The following STAT3 variants were observed in gnomAD, a reference collection of about 807,000 sequenced individuals.
The protein encoded by STAT3 is signal transducer and activator of transcription 3, also known as DNA-binding protein APRF.
A neutral mutation model predicts 114.3 loss-of-function variants in STAT3; 7 were observed. The ratio of observed to expected loss-of-function variants is 0.06; its 90% confidence interval spans 0.03 to 0.11. STAT3 has a LOEUF of 0.11. Among genes scored for constraint, STAT3 ranks in the 10% least tolerant of loss-of-function variants. The probability of loss-of-function intolerance (pLI) is 1.00; values close to 1 mark genes in which losing one functional copy is unlikely to be tolerated. For synonymous variants in STAT3, 331 were observed against 354.5 expected (o/e 0.93, Z 0.74); for missense variants, 364 against 960.9 (o/e 0.38, Z 8.21).
At position 42,322,509 on chromosome 17, in the gene STAT3, G is replaced by A. The variant is rs1461918830; in HGVS notation, c.1889-15C>T. 2.5e-6 allele frequency: 4 copies of A among 1,613,860 alleles called. No individual in the cohort carries two copies. Among genetic ancestry groups the A allele is most frequent in the Non-Finnish European group, 3.4e-6 (4 of 1,179,826 alleles). On this transcript the variant is annotated splice_polypyrimidine_tract_variant and intron_variant, in intron 20 of 23. Transcript: ENST00000264657. The stretch of plus-strand genomic sequence containing the variant: ...CTGGGTCTTACCTGTCACAGGACAT[G>A]GGAAGGAAAGATCATGGAACCTACA...
chr17:42,338,818 T>C lies in STAT3; in HGVS notation c.469-6A>G, dbSNP rs1201479766. 6.2e-7 allele frequency: 1 copy of C among 1,609,146 alleles called. No homozygotes were observed. The highest frequency in any genetic ancestry group is 2.2e-5 in the East Asian group (1 of 44,870). ...TTCATTTTCTGTTCTAGATCCTGTT[T>C]AAAATAAGCAAACAAAAAAACAGAA... On this transcript the variant is annotated splice_polypyrimidine_tract_variant and splice_region_variant and intron_variant, in intron 5 of 23. Coordinates refer to ENST00000264657, the MANE Select transcript of STAT3 (RefSeq NM_139276.3).
At chr17:42,373,755 G>T (rs1435225867) in intron 1 of STAT3, among the ~76,000 whole-genome samples, 2 of 151,508 alleles carry the variant, frequency 1.3e-5, no homozygotes, top group African/African-American at 4.8e-5. Flanking sequence ...CATCGTGGCG[G>T]GCGCCTGTAG....
intron 21 of STAT3, among the ~76,000 whole-genome samples, chr17:42,321,923 A>T (rs2144674374): frequency 6.6e-6 from 1 of 152,338 alleles, no homozygotes; most frequent in South Asian, 2.1e-4. Flanking sequence ...TCCTTGGCTC[A>T]GGTGATCCTC....
chr17:42,331,625 A>G (rs535204187), intron 10 of STAT3, 94 bp from the exon 11 acceptor site: 98 of 1,085,620 alleles, frequency 9.0e-5, no homozygotes, highest in Non-Finnish European at 1.2e-4. Context: ...CTTCATTTCC[A>G]ACAGGTAAAT....
At chr17:42,378,016 T>C (rs2145332389) in intron 1 of STAT3, among the ~76,000 whole-genome samples, 1 of 151,116 alleles carries the variant, frequency 6.6e-6, no homozygotes, top group Non-Finnish European at 1.5e-5. Context: ...GATGGAGTCT[T>C]GCTCCATAGC....
At chr17:42,387,966 A>C in intron 1 of STAT3, 1 of 284,152 alleles carries the variant, frequency 3.5e-6, no homozygotes, top group Non-Finnish European at 6.5e-6. Context: ...GGCCCCAGGG[A>C]GCAGGAAATC....
At chr17:42,346,796 A>C (rs906606296) in intron 2 of STAT3, 83 bp from the exon 3 acceptor site, 1 of 1,585,636 alleles carries the variant, frequency 6.3e-7, no homozygotes, top group South Asian at 1.1e-5. Context: ...AGAAAGAGGA[A>C]AAAAACAAAA....
intron 13 of STAT3, 47 bp from the exon 14 acceptor site, chr17:42,329,504 C>T (rs1030190015): frequency 6.8e-6 from 11 of 1,614,066 alleles, no homozygotes; most frequent in Admixed American, 1.7e-5. Flanking sequence ...TCTCCCTAGC[C>T]CTCTCCGGCA....
In STAT3 at chr17:42,329,728, G is replaced by A. The variant is rs1290818097; in HGVS notation, c.1139+19C>T. The stretch of plus-strand genomic sequence containing the variant: ...GTTAGGTTAAACGGAACAAAAGGAA[G>A]CCTCTAGGCTGAACTTACCCTCTGA... On this transcript the variant is annotated intron_variant, in intron 12 of 23. Coordinates refer to ENST00000264657, the MANE Select transcript of STAT3 (RefSeq NM_139276.3). 1 of 1,614,200 alleles carries A rather than the reference G, an allele frequency of 6.2e-7. No homozygotes were observed. Among genetic ancestry groups the A allele is most frequent in the East Asian group, 2.2e-5 (1 of 44,890 alleles).
In STAT3 at chr17:42,324,452, T is replaced by C. The variant is rs930960427; in HGVS notation, c.1600+259A>G. ...ACTTAAAAGATCTTCTAAAGTTAGA[T>C]AGAGTGGGTGAATGAGACAGCAACC... On this transcript the variant is annotated intron_variant, in intron 17 of 23. Coordinates refer to ENST00000264657, the MANE Select transcript of STAT3 (RefSeq NM_139276.3). The surrounding 1 kb of genome is among the most constrained non-coding windows in gnomAD (Gnocchi z 4.5). Among the ~76,000 whole-genome samples, 4 of 152,206 alleles carry C rather than the reference T, an allele frequency of 2.6e-5. No individual in the cohort carries two copies. The highest frequency in any genetic ancestry group is 1.9e-4 in the East Asian group (1 of 5,182).
chr17:42,326,470 T>C (rs2081730449), intron 14 of STAT3, among the ~76,000 whole-genome samples: 1 of 151,782 alleles, frequency 6.6e-6, no homozygotes, highest in Admixed American at 6.6e-5. Flanking sequence ...ATTGTGCCAC[T>C]GCACTCTAGC....
chr17:42,323,549 C>G, intron 18 of STAT3, 24 bp downstream of exon 18: 3 of 1,613,408 alleles, frequency 1.9e-6, no homozygotes, highest in Non-Finnish European at 2.5e-6. Flanking sequence ...CCCATTCCCA[C>G]GAGAATTTAA....
chr17:42,361,402 G>A (rs1280638832), intron 1 of STAT3, among the ~76,000 whole-genome samples: 2 of 151,674 alleles, frequency 1.3e-5, no homozygotes, highest in Admixed American at 6.6e-5. Context: ...AGAATCTCTT[G>A]AACCCGGGAG....
In STAT3 at chr17:42,343,460, T is replaced by C. The variant is rs1229851836; in HGVS notation, c.372+2099A>G. 5.5e-5 allele frequency among the ~76,000 whole-genome samples: 8 copies of C among 146,446 alleles called. No individual in the cohort carries two copies. The East Asian group carries it at 9.9e-4, about 18-fold the overall frequency. ...CTACTATGAATCAGATCTTTCTTTT[T>C]TTTTTTTTTTTTTTTTCAGTCGGAG... is the stretch of plus-strand genomic sequence containing the variant. On this transcript the variant is annotated intron_variant, in intron 4 of 23. Transcript: ENST00000264657.
rs2081168881 is a variant in STAT3, at chr17:42,314,108, C to T, written c.*1637G>A. ...AGCCAAGGCGGGCAGGCGGGGAGGC[C>T]CTCTAGCTGTTCTGCCTCACCTGTG... On this transcript the variant is annotated 3_prime_UTR_variant, in exon 24 of 24. Transcript: ENST00000264657. The T allele has an allele frequency of 4.3e-6, 1 of 232,352 alleles. No homozygotes were observed. The highest frequency in any genetic ancestry group is 6.0e-5 in the East Asian group (1 of 16,540). The allele number at this position is 232,352 out of a possible 1,614,324, so 14.4% of individuals were successfully genotyped here.
chr17:42,320,743 A>AG (rs2081437896), intron 21 of STAT3, among the ~76,000 whole-genome samples: 1 of 151,436 alleles, frequency 6.6e-6, no homozygotes, highest in Non-Finnish European at 1.5e-5. Context: ...AAAAAAAAAA[A>AG]AAAAAGCCCA....
chr17:42,320,380 T>C (rs2081421148), intron 21 of STAT3, among the ~76,000 whole-genome samples: 1 of 152,036 alleles, frequency 6.6e-6, no homozygotes, highest in Admixed American at 6.5e-5. Context: ...TGGACAAAAA[T>C]AGTTTTTTCA....
intron 2 of STAT3, among the ~76,000 whole-genome samples, chr17:42,347,983 C>T (rs1016684636): frequency 3.9e-5 from 6 of 152,194 alleles, no homozygotes; most frequent in Admixed American, 6.5e-5. Flanking sequence ...CAGACTAATA[C>T]ACCCCTGTGG....
In STAT3 at chr17:42,337,305, C is replaced by T. The variant is rs558713188; in HGVS notation, c.797+130G>A. 782 of 1,375,824 alleles carry T rather than the reference C, an allele frequency of 5.7e-4. No homozygotes were observed. Among genetic ancestry groups the T allele is most frequent in the Non-Finnish European group, 7.0e-4 (722 of 1,026,126 alleles). The allele number at this position is 1,375,824 out of a possible 1,614,324, so 85.2% of individuals were successfully genotyped here. On this transcript the variant is annotated intron_variant, in intron 8 of 23. Transcript: ENST00000264657. This position sits in a 1 kb window ranked among gnomAD's most constrained non-coding sequence, Gnocchi z 4.0. Reference sequence around the variant, plus strand: ...CCGAAATAAAGTAAAAACTTTAATTCTTGGGCTAAATTTGAATATGGAAAA... The same window carrying T: ...CCGAAATAAAGTAAAAACTTTAATTTTTGGGCTAAATTTGAATATGGAAAA...
Sources: allele counts gnomAD v4.1 joint callset (sites outside exome capture counted in the v4.1 genomes callset), GRCh38; gene constraint gnomAD v4.1.1; non-coding constraint Gnocchi (gnomAD v3.1); transcripts MANE v1.5; gene names NCBI Gene and HGNC (gene_info 2026-07-23, HGNC 2026-07-21).